DIDO1: variants seen among roughly 807,000 people sequenced by gnomAD.
The protein encoded by DIDO1 is death inducer-obliterator 1.
In DIDO1, 16 loss-of-function variants were observed where a neutral mutation model predicts 99.4. The observed-to-expected ratio is 0.16, with a 90% CI of 0.11 to 0.24. The LOEUF (loss-of-function observed/expected upper bound fraction) is 0.24, where lower values mean the gene tolerates loss of function less well. Ranked by LOEUF, DIDO1 falls within the 10% of genes least tolerant of loss-of-function variation. DIDO1 has a pLI of 1.00. For missense variants in DIDO1, 2,996 were observed against 3,014.0 expected, an observed-to-expected ratio of 0.99 and a Z score of 0.14; for synonymous variants, 1,366 against 1,239.1, an observed-to-expected ratio of 1.10 and a Z score of -2.15.
intron 15 of DIDO1, chr20:62,887,755 G>A: frequency 1.0e-6 from 1 of 985,470 alleles, no homozygotes; most frequent in Non-Finnish European, 1.2e-6. Flanking sequence ...AAGGCCCTGA[G>A]ACAGGCCGGG....
chr20:62,892,041 G>A lies in DIDO1; in HGVS notation c.3291C>T (p.Ile1097=), dbSNP rs200000058. 57 of 1,613,200 alleles carry A rather than the reference G, an allele frequency of 3.5e-5. No homozygotes were observed. The highest frequency in any genetic ancestry group is 2.7e-5 in the African/African-American group (2 of 74,884). ...CATAATCCCAAACTGTCTTCGGTGC[G>A]ATCCTCCCACCAATGTGAATTGTGT... is the stretch of plus-strand genomic sequence containing the variant. ...LPDTIHIGGR[I]APKTVWDYVG... Residue 1097 remains isoleucine (I), a synonymous_variant, in exon 14 of 16, where the codon ATC becomes ATT. Transcript: ENST00000395343.
intron 1 of DIDO1, among the ~76,000 whole-genome samples, chr20:62,921,902 TCCA>T (rs1011265616): frequency 6.7e-6 from 1 of 149,484 alleles, no homozygotes; most frequent in Non-Finnish European, 1.5e-5. Flanking sequence ...TATATATATA[TCCA>T]CAATATATAT....
Position 62,910,945 on chromosome 20 carries a change from T to C in DIDO1, c.668A>G (p.Gln223Arg), listed in dbSNP as rs1176170332. 2 of 1,614,172 alleles carry C rather than the reference T, an allele frequency of 1.2e-6. No individual in the cohort carries two copies. Among genetic ancestry groups the C allele is most frequent in the Non-Finnish European group, 1.7e-6 (2 of 1,180,012 alleles). ...TTTCCCAGCCTGGGACACAACCCCC[T>C]GATCGTTCTCGGGCTCCTGCTTACT... is the stretch of plus-strand genomic sequence containing the variant. ...LPSKQEPEND[Q>R]GVVSQAGKDD... The change falls in exon 3 of 16, where the codon CAG (glutamine) becomes CGG (arginine). Residue 223 changes from glutamine (Q) to arginine (R), a missense_variant. Gln to Arg is a conservative substitution (Grantham distance 43, BLOSUM62 1). Around this residue, in one of 5 missense-constraint regions of DIDO1, gnomAD observed 388 missense variants for 376.6 expected, o/e 1.03. Coordinates refer to ENST00000395343, the MANE Select transcript of DIDO1 (RefSeq NM_001193369.2).
chr20:62,892,987 AAGTCAAT>A (rs757961033), intron 12 of DIDO1, 25 bp from the exon 13 acceptor site: 1 of 1,592,352 alleles, frequency 6.3e-7, no homozygotes, highest in African/African-American at 1.4e-5. Flanking sequence ...CATAAAAAAA[AAGTCAAT>A]GTCTCTCTGT....
chr20:62,931,599 G>A (rs1380418749), intron 1 of DIDO1, among the ~76,000 whole-genome samples: 1 of 152,158 alleles, frequency 6.6e-6, no homozygotes, highest in Non-Finnish European at 1.5e-5. Context: ...CGAAAAAGGG[G>A]AAACGAACCC....
At chr20:62,917,032 AT>A (rs1339860902) in intron 1 of DIDO1, among the ~76,000 whole-genome samples, 3 of 151,738 alleles carry the variant, frequency 2.0e-5, no homozygotes, top group Non-Finnish European at 4.4e-5. Context: ...TAAAACAAAC[AT>A]TTTTTTTCCT....
intron 6 of DIDO1, among the ~76,000 whole-genome samples, chr20:62,902,793 A>G (rs1158180263): frequency 6.6e-6 from 1 of 152,252 alleles, no homozygotes; most frequent in Non-Finnish European, 1.5e-5. Context: ...AACGTTTTCC[A>G]TTTTAATTCC....
In DIDO1 at chr20:62,894,437, C is replaced by G. The variant is rs775933363; in HGVS notation, c.2548G>C (p.Asp850His). 15 of 1,612,926 alleles carry G rather than the reference C, an allele frequency of 9.3e-6. No homozygotes were observed. Among genetic ancestry groups the G allele is most frequent in the Non-Finnish European group, 1.2e-5 (14 of 1,180,022 alleles). Residue 850 changes from aspartate (D) to histidine (H), a missense_variant, in exon 11 of 16, where the codon GAT (aspartate) becomes CAT (histidine). Coordinates refer to ENST00000395343, the MANE Select transcript of DIDO1 (RefSeq NM_001193369.2). The surrounding 1 kb of genome is among the most constrained non-coding windows in gnomAD (Gnocchi z 4.4). ...TTSQHRAHLF[D>H]LNCKICTGQV... The stretch of plus-strand genomic sequence containing the variant: ...CCTGTGCAAATTTTACAGTTGAGAT[C>G]GAAGAGGTGTGCGCGGTGCTGACTG...
chr20:62,911,488 T>C lies in DIDO1; in HGVS notation c.125A>G (p.Asp42Gly). ...CGGCTCCAGTGGGTCAGCCTCCGCG[T>C]CCCCTGCGCCCTCTCGCTTGGCGAT... is the stretch of plus-strand genomic sequence containing the variant. Reference protein sequence around the residue: ...TTIAKREGAGDAEADPLEPPP... With the variant: ...TTIAKREGAGGAEADPLEPPP... Residue 42 changes from aspartate to glycine, a missense_variant, in exon 3 of 16, where the codon GAC (aspartate) becomes GGC (glycine). Transcript: ENST00000395343. The surrounding 1 kb of genome is among the most constrained non-coding windows in gnomAD (Gnocchi z 7.0). 1 of 1,612,692 alleles carries C rather than the reference T, an allele frequency of 6.2e-7. No individual in the cohort carries two copies. The highest frequency in any genetic ancestry group is 8.5e-7 in the Non-Finnish European group (1 of 1,179,436).
intron 1 of DIDO1, among the ~76,000 whole-genome samples, chr20:62,923,886 C>T (rs937432194): frequency 2.0e-5 from 3 of 152,124 alleles, no homozygotes; most frequent in African/African-American, 7.2e-5. Context: ...CGATTACAAC[C>T]GCCTATTAAG....
At chr20:62,935,628 G>T (rs531525633) in intron 1 of DIDO1, among the ~76,000 whole-genome samples, 1 of 152,364 alleles carries the variant, frequency 6.6e-6, no homozygotes, top group African/African-American at 2.4e-5. Flanking sequence ...AACAAAGCTT[G>T]TTGACATGAG....
intron 6 of DIDO1, among the ~76,000 whole-genome samples, chr20:62,904,143 C>T (rs2064747643): frequency 6.6e-6 from 1 of 152,196 alleles, no homozygotes; most frequent in Non-Finnish European, 1.5e-5. Context: ...GCTATAACCG[C>T]AGTTTTTCTT....
rs1205972108 is a variant in DIDO1, at chr20:62,893,845, ACTG to A, written c.2919_2921del (p.Ser975del). On this transcript the variant is annotated inframe_deletion, in exon 12 of 16. Transcript: ENST00000395343. ...CTGCGGAGGCCACGGCTGTGCATGA[ACTG>A]CTTGGAGCGGTCCTGGGGTCCCGGC... 1.9e-6 allele frequency: 3 copies of A among 1,614,002 alleles called. No homozygotes were observed. The highest frequency in any genetic ancestry group is 2.5e-6 in the Non-Finnish European group (3 of 1,180,024).
At chr20:62,916,766 G>GT (rs1266959029) in intron 1 of DIDO1, among the ~76,000 whole-genome samples, 2 of 152,152 alleles carry the variant, frequency 1.3e-5, no homozygotes, top group African/African-American at 4.8e-5. Flanking sequence ...ATGGAGTATT[G>GT]TAACCATCTT....
intron 1 of DIDO1, among the ~76,000 whole-genome samples, chr20:62,918,482 T>C (rs977594424): frequency 1.3e-5 from 2 of 152,226 alleles, no homozygotes; most frequent in South Asian, 4.1e-4. Context: ...AGTTTCTGAG[T>C]AATTAATCTC....
In DIDO1 at chr20:62,878,947, A is replaced by G. The variant is rs2064148440; in HGVS notation, c.*286T>C. On this transcript the variant is annotated 3_prime_UTR_variant, in exon 16 of 16. Coordinates refer to ENST00000395343, the MANE Select transcript of DIDO1 (RefSeq NM_001193369.2). ...ACGAAACTCCCTTAAAATTTACAAT[A>G]AAGTTATTGGAAAAGATAACTATGA... 1 of 326,550 alleles carries G rather than the reference A, an allele frequency of 3.1e-6. No homozygotes were observed. The highest frequency in any genetic ancestry group is 5.5e-6 in the Non-Finnish European group (1 of 182,590). The allele number at this position is 326,550 out of a possible 1,614,324, so 20.2% of individuals were successfully genotyped here.
chr20:62,901,445 T>C (rs913265212), intron 6 of DIDO1, among the ~76,000 whole-genome samples: 1 of 152,234 alleles, frequency 6.6e-6, no homozygotes. Flanking sequence ...CCAAGCCCAT[T>C]TGGGAGCAGA....
Position 62,915,350 on chromosome 20 carries a change from G to A in DIDO1, c.-199-944C>T, listed in dbSNP as rs76852815. Among the ~76,000 whole-genome samples, 1,366 of 152,168 alleles carry A rather than the reference G, an allele frequency of 9.0e-3. 22 individuals carry two copies. The highest frequency in any genetic ancestry group is 0.031 in the African/African-American group (1,298 of 41,512). On this transcript the variant is annotated intron_variant, in intron 1 of 15. Coordinates refer to ENST00000395343, the MANE Select transcript of DIDO1 (RefSeq NM_001193369.2). ...AGGCATTCCCTCTGATAAGCCAAAC[G>A]GCATCGTCATAGTCACCATCTCTTC...
upstream of DIDO1, among the ~76,000 whole-genome samples, chr20:62,927,292 G>T (rs1273289559): frequency 6.6e-6 from 1 of 152,220 alleles, no homozygotes; most frequent in Non-Finnish European, 1.5e-5. Context: ...TTGCCCACAG[G>T]GGTTGGAGGG....
Sources: gnomAD v4.1 joint callset for allele counts (sites outside exome capture counted in the v4.1 genomes callset) on GRCh38, gnomAD v4.1.1 for gene constraint, gnomAD v4.1.1 regional missense constraint, Gnocchi (gnomAD v3.1) non-coding constraint, MANE v1.5 for transcripts, NCBI Gene and HGNC (gene_info 2026-07-23, HGNC 2026-07-21) for gene names.